Variants in CCSER1 observed in about 807,000 individuals in gnomAD.
CCSER1 encodes serine-rich coiled-coil domain-containing protein 1.
In CCSER1, 41 loss-of-function variants were observed where a neutral mutation model predicts 82.0. The observed-to-expected ratio is 0.50, with a 90% CI of 0.39 to 0.65. The LOEUF is 0.65. Among genes scored for constraint, CCSER1 ranks in the 30% least tolerant of loss-of-function variants. The probability of loss-of-function intolerance (pLI) is 0.00; values close to 1 mark genes in which losing one functional copy is unlikely to be tolerated. For missense variants in CCSER1, 1,119 were observed against 1,064.2 expected (o/e 1.05, Z -0.72); for synonymous variants, 414 against 383.9 (o/e 1.08, Z -0.92).
At chr4:90,212,644 A>G (rs546073321) in intron 1 of CCSER1, among the ~76,000 whole-genome samples, 12 of 152,200 alleles carry the variant, frequency 7.9e-5, no homozygotes, top group Non-Finnish European at 1.5e-4. Flanking sequence ...CGTACTGGAA[A>G]TAAGTGGTAT....
At chr4:90,823,134 G>A (rs1410297612) in intron 8 of CCSER1, among the ~76,000 whole-genome samples, 1 of 151,944 alleles carries the variant, frequency 6.6e-6, no homozygotes, top group African/African-American at 2.4e-5. Context: ...AAAACATGTC[G>A]GTAATGAGAG....
chr4:90,419,869 A>T (rs960529255), intron 4 of CCSER1, among the ~76,000 whole-genome samples: 3 of 151,946 alleles, frequency 2.0e-5, no homozygotes, highest in Non-Finnish European at 2.9e-5. Flanking sequence ...TTAACTATCC[A>T]GGAAGTGTCA....
chr4:90,898,334 G>A lies in CCSER1; in HGVS notation c.2095-25036G>A, dbSNP rs74762562. Reference sequence around the variant, plus strand: ...TCTTGCTCTTGTCGCCCAGGCTGGAGTGTAATAGCACGATCTCAGCTCACT... The same window carrying A: ...TCTTGCTCTTGTCGCCCAGGCTGGAATGTAATAGCACGATCTCAGCTCACT... On this transcript the variant is annotated intron_variant, in intron 8 of 10. Transcript: ENST00000509176. 2.3e-5 allele frequency among the ~76,000 whole-genome samples: 3 copies of A among 132,840 alleles called. No homozygotes were observed. In the Admixed American group the frequency reaches 2.5e-4, roughly 11 times the overall value. The allele number at this position is 132,840 out of a possible 152,430, so 87.1% of individuals were successfully genotyped here.
chr4:90,176,606 T>TC (rs982554011), intron 1 of CCSER1, among the ~76,000 whole-genome samples: 2 of 152,038 alleles, frequency 1.3e-5, no homozygotes, highest in African/African-American at 4.8e-5. Context: ...ACTTTTTTTT[T>TC]CCCATAAGAG....
chr4:91,296,834 C>T (rs1165061958), intron 10 of CCSER1, among the ~76,000 whole-genome samples: 1 of 151,504 alleles, frequency 6.6e-6, no homozygotes, highest in African/African-American at 2.4e-5. Context: ...AATAATGACA[C>T]AGTATGCAAG....
At chr4:90,404,869 A>C (rs1371976915) in intron 4 of CCSER1, among the ~76,000 whole-genome samples, 1 of 152,212 alleles carries the variant, frequency 6.6e-6, no homozygotes, top group Non-Finnish European at 1.5e-5. Context: ...ATAGCAGTCC[A>C]TGAGTCTCAG....
intron 10 of CCSER1, among the ~76,000 whole-genome samples, chr4:91,213,522 T>C (rs1469468924): frequency 6.6e-6 from 1 of 152,120 alleles, no homozygotes; most frequent in African/African-American, 2.4e-5. Context: ...TCTGGCTAAA[T>C]AATGAAGTAT....
chr4:90,589,009 CTAT>C (rs555061810), intron 5 of CCSER1, among the ~76,000 whole-genome samples: 217 of 152,244 alleles, frequency 1.4e-3, no homozygotes, highest in Non-Finnish European at 2.0e-3. Flanking sequence ...TGTAGTTGAA[CTAT>C]TATTATAATG....
intron 9 of CCSER1, among the ~76,000 whole-genome samples, chr4:91,075,630 A>G (rs1359113920): frequency 6.6e-6 from 1 of 152,094 alleles, no homozygotes; most frequent in Non-Finnish European, 1.5e-5. Flanking sequence ...GAATAGAACT[A>G]AAACATATTC....
intron 5 of CCSER1, among the ~76,000 whole-genome samples, chr4:90,564,891 A>G (rs1247063589): frequency 3.3e-5 from 5 of 151,640 alleles, no homozygotes; most frequent in Admixed American, 6.6e-5. Flanking sequence ...GTGTCTTTTA[A>G]TGCCAGTGCC....
At position 90,308,940 on chromosome 4, in the gene CCSER1, G is replaced by A. The variant is rs1253523587; in HGVS notation, c.656G>A (p.Arg219Lys). The A allele has an allele frequency of 2.5e-6, 4 of 1,613,734 alleles. No individual in the cohort carries two copies. The African/African-American group carries it at 4.0e-5, about 16-fold the overall frequency. ...TTGGAAGTTACACAGTACCAAGAGA[G>A]AGAACCTGTATTAGTAAGAGCTTCG... ...FSLEVTQYQE[R>K]EPVLVRASPS... Residue 219 changes from arginine (R) to lysine (K), a missense_variant, in exon 2 of 11, where the codon AGA becomes AAA. By Grantham distance (26) the Arg-to-Lys change is conservative (BLOSUM62 2). Coordinates refer to ENST00000509176, the MANE Select transcript of CCSER1 (RefSeq NM_001145065.2).
intron 5 of CCSER1, among the ~76,000 whole-genome samples, chr4:90,476,061 G>T (rs965050497): frequency 1.3e-5 from 2 of 149,628 alleles, no homozygotes; most frequent in Admixed American, 6.7e-5. Context: ...TGTGTGTGTG[G>T]GTGTGTGTGT....
intron 10 of CCSER1, among the ~76,000 whole-genome samples, chr4:91,551,714 C>T (rs774784296): frequency 2.1e-5 from 3 of 145,722 alleles, no homozygotes; most frequent in South Asian, 2.2e-4. Context: ...CAGTCAAGGC[C>T]GAAGCACTCA....
intron 8 of CCSER1, among the ~76,000 whole-genome samples, chr4:90,846,872 C>A (rs1223567956): frequency 2.6e-5 from 4 of 152,186 alleles, no homozygotes; most frequent in African/African-American, 9.6e-5. Context: ...TGGTCTTGAT[C>A]TCTTGACCTG....
At chr4:90,502,592 G>A (rs1560622784) in intron 5 of CCSER1, among the ~76,000 whole-genome samples, 1 of 152,132 alleles carries the variant, frequency 6.6e-6, no homozygotes, top group African/African-American at 2.4e-5. Context: ...AATGCCTCAG[G>A]TGGATGTTGA....
intron 10 of CCSER1, among the ~76,000 whole-genome samples, chr4:91,385,680 A>C (rs1385434413): frequency 1.3e-5 from 2 of 152,066 alleles, no homozygotes; most frequent in African/African-American, 4.8e-5. Flanking sequence ...TTTGGATTTT[A>C]TTGCCTGCCC....
intron 8 of CCSER1, among the ~76,000 whole-genome samples, chr4:90,869,198 GCATGATGCGATCC>G (rs1766117308): frequency 1.3e-5 from 2 of 151,926 alleles, no homozygotes; most frequent in South Asian, 4.2e-4. Flanking sequence ...AAGCTTTTTA[GCATGATGCGATCC>G]CATTTGTCTA....
intron 8 of CCSER1, among the ~76,000 whole-genome samples, chr4:90,897,354 T>G (rs983009879): frequency 3.3e-5 from 5 of 152,002 alleles, no homozygotes; most frequent in African/African-American, 1.2e-4. Flanking sequence ...GTACCCCTTA[T>G]TTCCAATTCC....
intron 9 of CCSER1, among the ~76,000 whole-genome samples, chr4:90,982,965 C>T (rs7688241): frequency 0.069 from 10,421 of 151,768 alleles, 507 homozygotes; most frequent in East Asian, 0.2. Context: ...TATAGTAGTA[C>T]ATCTAAGTGC....
Sources: allele counts gnomAD v4.1 joint callset (sites outside exome capture counted in the v4.1 genomes callset), GRCh38; gene constraint gnomAD v4.1.1; transcripts MANE v1.5; gene names NCBI Gene and HGNC (gene_info 2026-07-23, HGNC 2026-07-21).